The following B3GALT1 variants were observed in gnomAD, a reference collection of about 807,000 sequenced individuals.
B3GALT1 encodes beta-1,3-galactosyltransferase 1.
In B3GALT1, 10 loss-of-function variants were observed where a neutral mutation model predicts 23.2. The ratio of observed to expected loss-of-function variants is 0.43; its 90% confidence interval spans 0.27 to 0.73. The LOEUF is 0.73. Ranked by LOEUF, B3GALT1 falls within the 30% of genes least tolerant of loss-of-function variation. B3GALT1 has a pLI of 0.21. For missense variants in B3GALT1, 299 were observed against 405.4 expected (o/e 0.74, Z 2.25); for synonymous variants, 156 against 141.5 (o/e 1.10, Z -0.73).
chr2:167,481,542 C>A (rs1167356452), intron 1 of B3GALT1, among the ~76,000 whole-genome samples: 1 of 152,194 alleles, frequency 6.6e-6, no homozygotes, highest in African/African-American at 2.4e-5. Flanking sequence ...TTCAACACGG[C>A]CATGCTGTCT....
intron 1 of B3GALT1, among the ~76,000 whole-genome samples, chr2:167,304,443 G>A (rs1696514303): frequency 6.6e-6 from 1 of 152,094 alleles, no homozygotes; most frequent in Admixed American, 6.6e-5. Flanking sequence ...GTGGAAATAA[G>A]GCATTAAATT....
At chr2:167,699,249 A>C (rs546984735) in intron 3 of B3GALT1, among the ~76,000 whole-genome samples, 11 of 152,222 alleles carry the variant, frequency 7.2e-5, no homozygotes, top group African/African-American at 2.6e-4. Flanking sequence ...TCTCACAGTT[A>C]ATAATGACTC....
rs144639881 is a variant in B3GALT1, at chr2:167,430,574, G to A, written c.-510-59603G>A. ...TGGTGAAAGATAGTCAGCATCTGGAGTTTTTTGAAGTTAGAATCAACAAGC... is the reference window on the plus strand; with the variant it reads ...TGGTGAAAGATAGTCAGCATCTGGAATTTTTTGAAGTTAGAATCAACAAGC... On this transcript the variant is annotated intron_variant, in intron 1 of 4. Transcript: ENST00000392690. Among the ~76,000 whole-genome samples, 323 of 152,196 alleles carry A rather than the reference G, an allele frequency of 2.1e-3. 2 individuals are homozygous for A. Among genetic ancestry groups the A allele is most frequent in the African/African-American group, 7.3e-3 (305 of 41,514 alleles).
At chr2:167,659,878 G>C (rs1686025683) in intron 3 of B3GALT1, among the ~76,000 whole-genome samples, 1 of 151,936 alleles carries the variant, frequency 6.6e-6, no homozygotes, top group African/African-American at 2.4e-5. Flanking sequence ...TAGAACCAGA[G>C]TACCAGCTGC....
At chr2:167,459,993 A>G (rs1051306514) in intron 1 of B3GALT1, among the ~76,000 whole-genome samples, 4 of 148,256 alleles carry the variant, frequency 2.7e-5, no homozygotes, top group Non-Finnish European at 4.4e-5. Context: ...CTCATTGAGA[A>G]TCCCTGTATG....
intron 2 of B3GALT1, among the ~76,000 whole-genome samples, chr2:167,522,152 A>G (rs1488174339): frequency 6.6e-6 from 1 of 151,842 alleles, no homozygotes; most frequent in East Asian, 1.9e-4. Flanking sequence ...TAAGGCTTCT[A>G]GAAGGGAAAT....
chr2:167,397,554 C>G (rs1024359865), intron 1 of B3GALT1, among the ~76,000 whole-genome samples: 1 of 152,048 alleles, frequency 6.6e-6, no homozygotes, highest in South Asian at 2.1e-4. Context: ...TAAACAGATT[C>G]TTGGACACTG....
chr2:167,832,535 A>G (rs545152716), intron 4 of B3GALT1, among the ~76,000 whole-genome samples: 3 of 152,280 alleles, frequency 2.0e-5, no homozygotes, highest in East Asian at 1.9e-4. Flanking sequence ...TAAAAATACA[A>G]ATTTCACTGA....
At chr2:167,593,250 CAT>C (rs1263108308) in intron 2 of B3GALT1, among the ~76,000 whole-genome samples, 2 of 152,124 alleles carry the variant, frequency 1.3e-5, no homozygotes, top group Admixed American at 1.3e-4. Flanking sequence ...ATACTGTACT[CAT>C]GTGATATATT....
intron 4 of B3GALT1, among the ~76,000 whole-genome samples, chr2:167,832,853 A>C (rs567644794): frequency 6.6e-6 from 1 of 152,376 alleles, no homozygotes; most frequent in Non-Finnish European, 1.5e-5. Flanking sequence ...TAAAGTAAAA[A>C]TGCAGCCCAA....
At chr2:167,603,524 A>G (rs189443461) in intron 2 of B3GALT1, among the ~76,000 whole-genome samples, 4 of 152,340 alleles carry the variant, frequency 2.6e-5, no homozygotes, top group East Asian at 1.9e-4. Flanking sequence ...GAACATTACT[A>G]TAGAATGTAA....
chr2:167,783,704 AG>A (rs1688287271), intron 3 of B3GALT1, among the ~76,000 whole-genome samples: 1 of 152,286 alleles, frequency 6.6e-6, no homozygotes, highest in East Asian at 1.9e-4. Context: ...GTGACTCGGC[AG>A]GGGGCAGGGG....
chr2:167,577,484 A>G (rs1684406966), intron 2 of B3GALT1, among the ~76,000 whole-genome samples: 1 of 151,832 alleles, frequency 6.6e-6, no homozygotes, highest in Admixed American at 6.6e-5. Flanking sequence ...GAGCATTTGG[A>G]TAGAGTAGCA....
intron 2 of B3GALT1, among the ~76,000 whole-genome samples, chr2:167,596,018 C>G (rs1045836394): frequency 6.6e-6 from 1 of 152,204 alleles, no homozygotes; most frequent in Non-Finnish European, 1.5e-5. Context: ...GCAGGGTTCC[C>G]TGGTCTCCCT....
At chr2:167,416,503 A>G (rs779407759) in intron 1 of B3GALT1, among the ~76,000 whole-genome samples, 4 of 152,212 alleles carry the variant, frequency 2.6e-5, no homozygotes, top group Admixed American at 6.5e-5. Flanking sequence ...CACAGGGGCA[A>G]GGCCCCCAAT....
intron 1 of B3GALT1, among the ~76,000 whole-genome samples, chr2:167,445,828 G>C (rs538200811): frequency 7.2e-5 from 11 of 152,216 alleles, no homozygotes; most frequent in Admixed American, 2.0e-4. Context: ...ATTTGCCAGT[G>C]TGTGTCTTTT....
chr2:167,425,531 A>C (rs1346417191), intron 1 of B3GALT1, among the ~76,000 whole-genome samples: 1 of 152,222 alleles, frequency 6.6e-6, no homozygotes, highest in African/African-American at 2.4e-5. Context: ...TTTTTCATAC[A>C]TCTCCAGATG....
At chr2:167,298,100 C>G (rs1696385237) in intron 1 of B3GALT1, among the ~76,000 whole-genome samples, 2 of 152,056 alleles carry the variant, frequency 1.3e-5, no homozygotes, top group Non-Finnish European at 2.9e-5. Flanking sequence ...ACAAGTAAAC[C>G]AACAAATGGT....
chr2:167,635,813 C>G (rs1377653777), intron 2 of B3GALT1, among the ~76,000 whole-genome samples: 1 of 152,000 alleles, frequency 6.6e-6, no homozygotes, highest in African/African-American at 2.4e-5. Flanking sequence ...CAAGCTACCA[C>G]TGACTTTCTT....
Sources: gnomAD v4.1 joint callset for allele counts (sites outside exome capture counted in the v4.1 genomes callset) on GRCh38, gnomAD v4.1.1 for gene constraint, MANE v1.5 for transcripts, NCBI Gene and HGNC (gene_info 2026-07-23, HGNC 2026-07-21) for gene names.